Variants in BEST3 observed in about 807,000 individuals in gnomAD.
BEST3 encodes the protein bestrophin-3.
In BEST3, 50 loss-of-function variants were observed where a neutral mutation model predicts 47.1. That is an observed-to-expected ratio of 1.06 (90% confidence interval 0.85 to 1.34). The LOEUF (loss-of-function observed/expected upper bound fraction) is 1.34, where lower values mean the gene tolerates loss of function less well. BEST3 is among the 40% of genes most tolerant of loss of function. The pLI is 0.00. For synonymous variants in BEST3, 282 were observed against 298.8 expected (o/e 0.94, Z 0.58); for missense variants, 765 against 817.0 (o/e 0.94, Z 0.78).
At chr12:69,644,056 C>T (rs1882956708) in intron 9 of BEST3, among the ~76,000 whole-genome samples, 1 of 152,164 alleles carries the variant, frequency 6.6e-6, no homozygotes, top group African/African-American at 2.4e-5. Flanking sequence ...CCATATCATA[C>T]CCAAGAGTTT....
intron 5 of BEST3, among the ~76,000 whole-genome samples, chr12:69,677,955 C>G (rs1885019431): frequency 6.6e-6 from 1 of 152,116 alleles, no homozygotes; most frequent in African/African-American, 2.4e-5. Flanking sequence ...TTGTTTCTCT[C>G]ATTTTAAAAC....
At chr12:69,687,663 CAA>C (rs3050215) in intron 4 of BEST3, among the ~76,000 whole-genome samples, 62 of 126,610 alleles carry the variant, frequency 4.9e-4, no homozygotes, top group Non-Finnish European at 5.8e-4. Flanking sequence ...GAACGTGTCT[CAA>C]AAAAAAAAAA....
At chr12:69,658,101 G>A (rs1379344370) in intron 9 of BEST3, among the ~76,000 whole-genome samples, 1 of 152,158 alleles carries the variant, frequency 6.6e-6, no homozygotes, top group Non-Finnish European at 1.5e-5. Context: ...CTCTGGATGT[G>A]TTCTGGGAAT....
intron 8 of BEST3, 53 bp downstream of exon 8, chr12:69,672,832 A>T (rs1884661474): frequency 7.5e-7 from 1 of 1,324,780 alleles, no homozygotes; most frequent in African/African-American, 1.5e-5. Context: ...GATTTGAAAT[A>T]TCGCAAGTGA....
In BEST3 at chr12:69,653,923, C is replaced by A. The variant is rs902064218; in HGVS notation, c.*984G>T. 1.0e-6 allele frequency: 1 copy of A among 985,318 alleles called. No individual in the cohort carries two copies. Among genetic ancestry groups the A allele is most frequent in the Non-Finnish European group, 1.2e-6 (1 of 829,948 alleles). 61.0% of individuals were successfully genotyped at this position (985,318 alleles called of 1,614,324 possible). A position where few individuals can be genotyped will look rare whatever the true frequency, so the allele number is the denominator to read the frequency against. On this transcript the variant is annotated 3_prime_UTR_variant, in exon 10 of 10. Coordinates refer to ENST00000330891, the MANE Select transcript of BEST3 (RefSeq NM_032735.3). Reference sequence around the variant, plus strand: ...TTAAACAGATGTGAGTCATCTTATTCTTTGGTTCCATAGCATTTGGCTATG... The same window carrying A: ...TTAAACAGATGTGAGTCATCTTATTATTTGGTTCCATAGCATTTGGCTATG...
Position 69,653,974 on chromosome 12 carries a change from T to G in BEST3, c.*933A>C. On this transcript the variant is annotated 3_prime_UTR_variant, in exon 10 of 10. Transcript: ENST00000330891. ...CAAATTTCATATTCTCTTGGCTTCG[T>G]TTTTCTCCAGTGCCCAACACCAAAT... 1.0e-6 allele frequency: 1 copy of G among 985,120 alleles called. No individual in the cohort carries two copies. Among genetic ancestry groups the G allele is most frequent in the Non-Finnish European group, 1.2e-6 (1 of 829,648 alleles). 61.0% of individuals were successfully genotyped at this position (985,120 alleles called of 1,614,324 possible).
At position 69,654,128 on chromosome 12, in the gene BEST3, TAGG is replaced by T. The variant is rs1883314478; in HGVS notation, c.*776_*778del. On this transcript the variant is annotated 3_prime_UTR_variant, in exon 10 of 10. Transcript: ENST00000330891. ...TTTGTTGACACCTTTGATGATTCTG[TAGG>T]AGGCTTTGCCAATGTCTTATATTTT... 1 of 985,178 alleles carries T rather than the reference TAGG, an allele frequency of 1.0e-6. No individual in the cohort carries two copies. The highest frequency in any genetic ancestry group is 1.7e-5 in the African/African-American group (1 of 57,170). 61.0% of individuals were successfully genotyped at this position (985,178 alleles called of 1,614,324 possible). A position where few individuals can be genotyped will look rare whatever the true frequency, so the allele number is the denominator to read the frequency against.
intron 2 of BEST3, among the ~76,000 whole-genome samples, chr12:69,696,994 G>T (rs1886155153): frequency 6.6e-6 from 1 of 152,178 alleles, no homozygotes; most frequent in East Asian, 1.9e-4. Context: ...TCTTGGACTT[G>T]ATATTGCTCA....
At chr12:69,653,326 C>T (rs563137827), downstream of BEST3, among the ~76,000 whole-genome samples, 14 of 152,320 alleles carry the variant, frequency 9.2e-5, no homozygotes, top group Admixed American at 9.1e-4. Flanking sequence ...TTGGGCATGC[C>T]TCCCTTGGGG....
chr12:69,681,121 G>C (rs1592359140), intron 4 of BEST3, among the ~76,000 whole-genome samples: 1 of 151,880 alleles, frequency 6.6e-6, no homozygotes, highest in African/African-American at 2.4e-5. Flanking sequence ...AATATAAATA[G>C]TGTTTTCTGA....
intron 2 of BEST3, among the ~76,000 whole-genome samples, chr12:69,694,777 T>C (rs1049348821): frequency 3.9e-5 from 6 of 152,200 alleles, no homozygotes; most frequent in African/African-American, 1.2e-4. Context: ...TGTTACAAAA[T>C]AGTTCAGTTT....
chr12:69,673,042 T>C, intron 7 of BEST3, 77 bp from the exon 8 acceptor site: 1 of 1,131,330 alleles, frequency 8.8e-7, no homozygotes. Flanking sequence ...TGATTCCTGT[T>C]TTCCTCTCTG....
At position 69,655,267 on chromosome 12, in the gene BEST3, G is replaced by T. The variant is rs368160228; in HGVS notation, c.1647C>A (p.Ile549=). 1 of 1,614,184 alleles carries T rather than the reference G, an allele frequency of 6.2e-7. No homozygotes were observed. Among genetic ancestry groups the T allele is most frequent in the Non-Finnish European group, 8.5e-7 (1 of 1,180,028 alleles). Residue 549 remains isoleucine (I), a synonymous_variant, in exon 10 of 10, where the codon ATC becomes ATA. Coordinates refer to ENST00000330891, the MANE Select transcript of BEST3 (RefSeq NM_032735.3). ...TEQQQGPMGS[I]LSPSEKETPP... is the part of the protein sequence containing the mutation. ...GTGTCTCCTTCTCTGAGGGAGACAG[G>T]ATGGATCCCATGGGGCCCTGCTGCT...
chr12:69,676,892 T>A, intron 7 of BEST3, 24 bp downstream of exon 7: 1 of 1,609,170 alleles, frequency 6.2e-7, no homozygotes, highest in East Asian at 2.2e-5. Flanking sequence ...CATTACAAAG[T>A]GGGGCCCTGA....
At chr12:69,663,798 G>A (rs1269918793) in intron 9 of BEST3, among the ~76,000 whole-genome samples, 1 of 152,130 alleles carries the variant, frequency 6.6e-6, no homozygotes, top group Non-Finnish European at 1.5e-5. Context: ...ACTCCATCCT[G>A]GGTGACAGAG....
intron 4 of BEST3, among the ~76,000 whole-genome samples, chr12:69,680,950 A>T (rs1236298116): frequency 6.6e-6 from 1 of 151,780 alleles, no homozygotes; most frequent in African/African-American, 2.4e-5. Context: ...TTAATAGTTA[A>T]TAGTATATAA....
At chr12:69,687,910 C>A (rs1170210639) in intron 4 of BEST3, among the ~76,000 whole-genome samples, 1 of 152,016 alleles carries the variant, frequency 6.6e-6, no homozygotes, top group Non-Finnish European at 1.5e-5. Context: ...AGTATGGGGA[C>A]CATATTTGTT....
intron 7 of BEST3, among the ~76,000 whole-genome samples, chr12:69,673,900 T>C (rs1454938141): frequency 6.6e-6 from 1 of 152,226 alleles, no homozygotes; most frequent in East Asian, 1.9e-4. Flanking sequence ...TAGGTAGCTA[T>C]TGTCACAAAT....
chr12:69,689,355 A>G, intron 4 of BEST3: 1 of 660,674 alleles, frequency 1.5e-6, no homozygotes, highest in Non-Finnish European at 1.9e-6. Flanking sequence ...CCAGGAAGAC[A>G]GGCCTCCGAA....
Sources: allele counts gnomAD v4.1 joint callset (sites outside exome capture counted in the v4.1 genomes callset), GRCh38; gene constraint gnomAD v4.1.1; transcripts MANE v1.5; gene names NCBI Gene and HGNC (gene_info 2026-07-23, HGNC 2026-07-21).